The following CNBD1 variants were observed in gnomAD, a reference collection of about 807,000 sequenced individuals.
CNBD1 encodes cyclic nucleotide binding domain containing 1, also known as cyclic nucleotide-binding domain-containing protein 1.
A neutral mutation model predicts 54.4 loss-of-function variants in CNBD1; 71 were observed. That is an observed-to-expected ratio of 1.30 (90% confidence interval 1.08 to 1.59). The LOEUF is 1.59. Among genes scored for constraint, CNBD1 ranks in the 40% most tolerant of loss-of-function variants. CNBD1 has a pLI of 0.00. For missense variants in CNBD1, 659 were observed against 518.0 expected (o/e 1.27, Z -2.64); for synonymous variants, 182 against 170.7 (o/e 1.07, Z -0.51).
intron 2 of CNBD1, among the ~76,000 whole-genome samples, chr8:86,888,300 C>T (rs972315105): frequency 6.6e-6 from 1 of 152,068 alleles, no homozygotes; most frequent in Non-Finnish European, 1.5e-5. Context: ...CTCATTTCTT[C>T]TGTCTCAGAG....
At chr8:86,867,840 G>T (rs1478825054) in intron 1 of CNBD1, among the ~76,000 whole-genome samples, 1 of 152,164 alleles carries the variant, frequency 6.6e-6, no homozygotes, top group African/African-American at 2.4e-5. Flanking sequence ...ACCCTCTGTA[G>T]TGCCTCCCAA....
chr8:87,426,114 G>A (rs1023447437), intron 2 of CNBD1, among the ~76,000 whole-genome samples: 6 of 152,224 alleles, frequency 3.9e-5, no homozygotes, highest in Non-Finnish European at 8.8e-5. Context: ...TCTTTGACTA[G>A]GAAAGGGAAC....
chr8:87,257,935 G>A (rs1808054531), intron 6 of CNBD1, among the ~76,000 whole-genome samples: 1 of 152,082 alleles, frequency 6.6e-6, no homozygotes, highest in Non-Finnish European at 1.5e-5. Context: ...CGTTAATTAT[G>A]ATTGACAGCA....
downstream of CNBD1, among the ~76,000 whole-genome samples, chr8:87,384,299 T>G (rs1390759027): frequency 6.6e-6 from 1 of 152,122 alleles, no homozygotes; most frequent in Non-Finnish European, 1.5e-5. Context: ...CAGGCACTCT[T>G]CTAAGAACTG....
intron 4 of CNBD1, among the ~76,000 whole-genome samples, chr8:87,056,761 T>C (rs1243710448): frequency 6.6e-6 from 1 of 152,130 alleles, no homozygotes; most frequent in Non-Finnish European, 1.5e-5. Context: ...TTATATATTT[T>C]AGAGGTAGAA....
intron 1 of CNBD1, among the ~76,000 whole-genome samples, chr8:86,882,414 T>C (rs1411030914): frequency 6.6e-6 from 1 of 152,048 alleles, no homozygotes; most frequent in Non-Finnish European, 1.5e-5. Flanking sequence ...AACAATCATA[T>C]GGAAAAAAGC....
intron 4 of CNBD1, among the ~76,000 whole-genome samples, chr8:87,160,531 T>C (rs73690106): frequency 0.097 from 14,735 of 152,170 alleles, 2,361 homozygotes; most frequent in African/African-American, 0.33. Context: ...CAATATATTC[T>C]TCCAGAAAAA....
At chr8:87,289,617 A>G (rs1042526239) in intron 8 of CNBD1, among the ~76,000 whole-genome samples, 2 of 152,178 alleles carry the variant, frequency 1.3e-5, no homozygotes, top group Non-Finnish European at 1.5e-5. Context: ...GATATAGCAA[A>G]CATGTTAATT....
chr8:87,316,602 T>C (rs1809393160), intron 8 of CNBD1, among the ~76,000 whole-genome samples: 3 of 151,972 alleles, frequency 2.0e-5, no homozygotes, highest in African/African-American at 7.2e-5. Context: ...AAGATAGATG[T>C]ACAATAATTT....
At chr8:87,307,858 G>GA (rs1186021575) in intron 8 of CNBD1, among the ~76,000 whole-genome samples, 1 of 151,600 alleles carries the variant, frequency 6.6e-6, no homozygotes, top group Admixed American at 6.6e-5. Flanking sequence ...TGAAGCAAGA[G>GA]AAAAAATAAC....
intron 6 of CNBD1, among the ~76,000 whole-genome samples, chr8:87,282,150 A>G (rs1206747048): frequency 1.3e-5 from 2 of 151,636 alleles, no homozygotes; most frequent in East Asian, 3.9e-4. Flanking sequence ...ATATAATTAA[A>G]TTTGTAATTT....
chr8:87,241,806 C>G (rs1190335681), intron 6 of CNBD1, among the ~76,000 whole-genome samples: 1 of 151,848 alleles, frequency 6.6e-6, no homozygotes, highest in African/African-American at 2.4e-5. Flanking sequence ...ATTTTGGAAG[C>G]TATAATAATA....
chr8:87,315,405 G>A (rs1369965023), intron 8 of CNBD1, among the ~76,000 whole-genome samples: 2 of 151,574 alleles, frequency 1.3e-5, no homozygotes, highest in Non-Finnish European at 2.9e-5. Flanking sequence ...TTGGCTCATG[G>A]TTCTGCAGGC....
chr8:87,295,406 AAAG>A (rs1808860251), intron 8 of CNBD1, among the ~76,000 whole-genome samples: 1 of 151,660 alleles, frequency 6.6e-6, no homozygotes, highest in African/African-American at 2.4e-5. Context: ...ATGTAAAGTT[AAAG>A]TACTGCTTAT....
At chr8:86,906,698 T>A (rs1441325874) in intron 3 of CNBD1, among the ~76,000 whole-genome samples, 1 of 152,240 alleles carries the variant, frequency 6.6e-6, no homozygotes, top group African/African-American at 2.4e-5. Context: ...GATATGATCA[T>A]CTTGCCCTCA....
At position 87,154,077 on chromosome 8, in the gene CNBD1, A is replaced by G. The variant is rs528054514; in HGVS notation, c.432-51916A>G. On this transcript the variant is annotated intron_variant, in intron 4 of 10. Coordinates refer to ENST00000518476, the MANE Select transcript of CNBD1 (RefSeq NM_173538.3). ...TATGACCTGTTAAATTACAACTGAC[A>G]CCCAAATAAGTCCAAGTGCATTCGT... 2.2e-3 allele frequency among the ~76,000 whole-genome samples: 333 copies of G among 152,242 alleles called. 1 individual carries two copies. The highest frequency in any genetic ancestry group is 7.5e-3 in the African/African-American group (313 of 41,552).
intron 2 of CNBD1, among the ~76,000 whole-genome samples, chr8:86,898,220 A>G (rs1489216103): frequency 6.6e-6 from 1 of 152,192 alleles, no homozygotes; most frequent in African/African-American, 2.4e-5. Flanking sequence ...AGACACAAAA[A>G]AGATTAAAAG....
intron 8 of CNBD1, among the ~76,000 whole-genome samples, chr8:87,342,081 G>A (rs1442276979): frequency 3.9e-5 from 6 of 152,072 alleles, no homozygotes; most frequent in Admixed American, 3.9e-4. Context: ...AGACCATCCT[G>A]GCTAACACGG....
Position 87,273,135 on chromosome 8 carries a change from T to C in CNBD1, c.772-11543T>C, listed in dbSNP as rs918242727. The stretch of plus-strand genomic sequence containing the variant: ...AATAATAGTAGTACTGTAGTAGTGA[T>C]TATATAACAGTAGTACAGTAACGGC... On this transcript the variant is annotated intron_variant, in intron 6 of 10. Coordinates refer to ENST00000518476, the MANE Select transcript of CNBD1 (RefSeq NM_173538.3). Among the ~76,000 whole-genome samples the C allele has an allele frequency of 3.9e-5, 6 of 151,944 alleles. No homozygotes were observed. In the Admixed American group the frequency reaches 4.0e-4, roughly 10 times the overall value.
Sources: allele counts gnomAD v4.1 joint callset (sites outside exome capture counted in the v4.1 genomes callset), GRCh38; gene constraint gnomAD v4.1.1; transcripts MANE v1.5; gene names NCBI Gene and HGNC (gene_info 2026-07-23, HGNC 2026-07-21).